Variants in DENND1B observed in about 807,000 individuals in gnomAD.
DENND1B encodes the protein DENN domain containing 1B.
In DENND1B, 59 loss-of-function variants were observed where a neutral mutation model predicts 90.1. That is an observed-to-expected ratio of 0.65 (90% CI 0.53 to 0.81). The LOEUF (loss-of-function observed/expected upper bound fraction) is 0.81, where lower values mean the gene tolerates loss of function less well. Among genes scored for constraint, DENND1B ranks in the 40% least tolerant of loss-of-function variants. The pLI is 0.00. For synonymous variants in DENND1B, 337 were observed against 324.6 expected (o/e 1.04, Z -0.41); for missense variants, 862 against 912.6 (o/e 0.94, Z 0.71).
intron 19 of DENND1B, 68 bp downstream of exon 19, chr1:197,540,891 T>C: frequency 7.0e-7 from 1 of 1,424,590 alleles, no homozygotes. Flanking sequence ...AAATTTCTAA[T>C]TTGGAAGTAT....
At chr1:197,538,281 C>T (rs10494757) in intron 20 of DENND1B, among the ~76,000 whole-genome samples, 7,052 of 151,900 alleles carry the variant, frequency 0.046, 240 homozygotes, top group Non-Finnish European at 0.07. Context: ...TGAAAACAGA[C>T]AAGAATTGAA....
At chr1:197,753,878 T>C (rs1213714406) in intron 2 of DENND1B, among the ~76,000 whole-genome samples, 1 of 151,950 alleles carries the variant, frequency 6.6e-6, no homozygotes. Flanking sequence ...CGCACATCTG[T>C]AGTCCCAGCT....
intron 13 of DENND1B, among the ~76,000 whole-genome samples, chr1:197,597,786 C>T (rs2125815353): frequency 6.6e-6 from 1 of 151,880 alleles, no homozygotes; most frequent in Non-Finnish European, 1.5e-5. Context: ...AAAGAATGTA[C>T]CTGTTCTAGA....
chr1:197,572,892 C>T (rs1673304590), intron 15 of DENND1B, among the ~76,000 whole-genome samples: 1 of 152,150 alleles, frequency 6.6e-6, no homozygotes, highest in South Asian at 2.1e-4. Context: ...AAAGGACATC[C>T]ACACCAAAAC....
intron 11 of DENND1B, among the ~76,000 whole-genome samples, chr1:197,614,462 C>T (rs904562307): frequency 6.6e-6 from 1 of 150,880 alleles, no homozygotes; most frequent in South Asian, 2.1e-4. Context: ...CTTAAATTTC[C>T]TAATTAGATA....
intron 20 of DENND1B, among the ~76,000 whole-genome samples, chr1:197,538,977 C>G (rs1670126430): frequency 1.3e-5 from 2 of 152,192 alleles, no homozygotes; most frequent in South Asian, 4.2e-4. Context: ...GTGCCTTGAT[C>G]TTGGACTTTC....
At chr1:197,713,643 G>A (rs1484396571) in intron 3 of DENND1B, among the ~76,000 whole-genome samples, 3 of 67,236 alleles carry the variant, frequency 4.5e-5, no homozygotes, top group Non-Finnish European at 8.2e-5. Context: ...TAGATGACAC[G>A]TTAGTGGGTG....
At chr1:197,652,606 T>C (rs918360651) in intron 6 of DENND1B, among the ~76,000 whole-genome samples, 2 of 152,014 alleles carry the variant, frequency 1.3e-5, no homozygotes, top group Admixed American at 1.3e-4. Flanking sequence ...TAAAAGTAAA[T>C]TATCTAAATC....
At chr1:197,731,802 T>C (rs890932793) in intron 2 of DENND1B, among the ~76,000 whole-genome samples, 2 of 152,178 alleles carry the variant, frequency 1.3e-5, no homozygotes, top group African/African-American at 2.4e-5. Context: ...CTGCAGGCCA[T>C]AGGTTGGACA....
At chr1:197,728,226 T>C (rs948502882) in intron 2 of DENND1B, among the ~76,000 whole-genome samples, 3 of 152,214 alleles carry the variant, frequency 2.0e-5, no homozygotes, top group Non-Finnish European at 2.9e-5. Flanking sequence ...TCTTATGTGC[T>C]GTTCTGGTTG....
intron 5 of DENND1B, among the ~76,000 whole-genome samples, chr1:197,660,637 C>T (rs1399711690): frequency 6.6e-6 from 1 of 151,920 alleles, no homozygotes; most frequent in Non-Finnish European, 1.5e-5. Flanking sequence ...TCCAAAGAGA[C>T]AAAACAAGTA....
At position 197,629,348 on chromosome 1, in the gene DENND1B, G is replaced by T. The variant is rs538561571; in HGVS notation, c.673-11589C>A. ...TACACCATGGAATACTATGCAGCCA[G>T]AAAAAATGATGAGTTCATGTCCTTT... On this transcript the variant is annotated intron_variant, in intron 10 of 22. Coordinates refer to ENST00000620048, the MANE Select transcript of DENND1B (RefSeq NM_001195215.2). Among the ~76,000 whole-genome samples the T allele has an allele frequency of 2.5e-3, 377 of 151,958 alleles. 4 individuals carry two copies. The highest frequency in any genetic ancestry group is 8.4e-3 in the African/African-American group (348 of 41,466).
At chr1:197,617,826 A>G (rs1323574878) in intron 10 of DENND1B, 67 bp from the exon 11 acceptor site, 2 of 1,027,524 alleles carry the variant, frequency 1.9e-6, no homozygotes, top group Non-Finnish European at 3.1e-6. Context: ...GCAATGTTCA[A>G]TGTATCAACA....
At position 197,607,066 on chromosome 1, in the gene DENND1B, T is replaced by C. The variant is rs1676748835; in HGVS notation, c.921+7A>G. 1 of 1,595,524 alleles carries C rather than the reference T, an allele frequency of 6.3e-7. No homozygotes were observed. Among genetic ancestry groups the C allele is most frequent in the Non-Finnish European group, 8.6e-7 (1 of 1,165,954 alleles). ...TATGTTCACCACTGAATAGCCTTCA[T>C]ACTTACCACATCACTTGGTAGGTTG... On this transcript the variant is annotated splice_region_variant and intron_variant, in intron 13 of 22. Coordinates refer to ENST00000620048, the MANE Select transcript of DENND1B (RefSeq NM_001195215.2).
chr1:197,560,841 T>G (rs34019088), intron 15 of DENND1B, among the ~76,000 whole-genome samples: 556 of 151,932 alleles, frequency 3.7e-3, no homozygotes, highest in Non-Finnish European at 6.1e-3. Flanking sequence ...TTTAACGACC[T>G]CTCCCATTCT....
intron 2 of DENND1B, among the ~76,000 whole-genome samples, chr1:197,726,549 G>A (rs1202132573): frequency 6.6e-6 from 1 of 152,188 alleles, no homozygotes; most frequent in African/African-American, 2.4e-5. Flanking sequence ...AATCCTAGGT[G>A]AAGCACTAAA....
chr1:197,747,607 A>G (rs1318325574), intron 2 of DENND1B, among the ~76,000 whole-genome samples: 1 of 152,254 alleles, frequency 6.6e-6, no homozygotes, highest in Non-Finnish European at 1.5e-5. Context: ...TGCTCAAAGC[A>G]GGGCTGCTAC....
At chr1:197,570,292 A>T (rs563124762) in intron 15 of DENND1B, among the ~76,000 whole-genome samples, 1 of 152,160 alleles carries the variant, frequency 6.6e-6, no homozygotes, top group African/African-American at 2.4e-5. Flanking sequence ...TATGTGACAT[A>T]GGAATTTATC....
At chr1:197,645,492 T>A (rs1680648265) in intron 9 of DENND1B, among the ~76,000 whole-genome samples, 198 bp downstream of exon 9, 1 of 151,920 alleles carries the variant, frequency 6.6e-6, no homozygotes, top group African/African-American at 2.4e-5. Flanking sequence ...AACCAGATAT[T>A]AAGAAGAAGG....
Sources: gnomAD v4.1 joint callset for allele counts (sites outside exome capture counted in the v4.1 genomes callset) on GRCh38, gnomAD v4.1.1 for gene constraint, MANE v1.5 for transcripts, NCBI Gene and HGNC (gene_info 2026-07-23, HGNC 2026-07-21) for gene names.